The following SCN11A variants were observed in gnomAD, a reference collection of about 807,000 sequenced individuals.
SCN11A encodes sodium channel protein type 11 subunit alpha.
Under a neutral mutation model 162.2 loss-of-function variants are expected in SCN11A, and 122 were observed. The observed-to-expected ratio is 0.75, with a 90% CI of 0.65 to 0.87. The LOEUF is 0.87. Among genes scored for constraint, SCN11A ranks in the 40% least tolerant of loss-of-function variants. The pLI is 0.00. For synonymous variants in SCN11A, 758 were observed against 751.5 expected, an observed-to-expected ratio of 1.01 and a Z score of -0.14; for missense variants, 2,015 against 2,181.6, an observed-to-expected ratio of 0.92 and a Z score of 1.52.
At chr3:38,907,357 TACACACACACACACAC>T (rs376599495) in intron 14 of SCN11A, among the ~76,000 whole-genome samples, 2 of 128,530 alleles carry the variant, frequency 1.6e-5, no homozygotes, top group African/African-American at 3.2e-5. Context: ...TATCTATATA[TACACACACACACACAC>T]ACACACACAC....
At chr3:38,906,644 C>T (rs1387607071) in intron 14 of SCN11A, among the ~76,000 whole-genome samples, 11 of 152,130 alleles carry the variant, frequency 7.2e-5, no homozygotes, top group Admixed American at 7.2e-4. Flanking sequence ...CTGGTTTAAG[C>T]CACAGGCACC....
chr3:38,988,323 C>T (rs2030333299), intron 2 of SCN11A, among the ~76,000 whole-genome samples: 1 of 152,058 alleles, frequency 6.6e-6, no homozygotes, highest in Non-Finnish European at 1.5e-5. Flanking sequence ...TTATTTATCA[C>T]CTATCTCTCA....
intron 3 of SCN11A, among the ~76,000 whole-genome samples, chr3:38,953,963 C>T (rs964393742): frequency 6.6e-5 from 10 of 152,106 alleles, no homozygotes; most frequent in African/African-American, 2.4e-4. Context: ...AGGGCCAGAA[C>T]CAGACACTCT....
chr3:38,851,943 T>A (rs1406570863), intron 28 of SCN11A, among the ~76,000 whole-genome samples: 1 of 152,140 alleles, frequency 6.6e-6, no homozygotes, highest in African/African-American at 2.4e-5. Context: ...TTCCGGTTGA[T>A]AAAACCATCT....
intron 2 of SCN11A, among the ~76,000 whole-genome samples, chr3:39,002,625 T>C (rs7619193): frequency 0.48 from 73,010 of 152,170 alleles, 21,408 homozygotes; most frequent in African/African-American, 0.84. Context: ...TTCACCCTTC[T>C]CTGTATCCAT....
At chr3:38,934,636 A>C (rs1427101335) in intron 7 of SCN11A, among the ~76,000 whole-genome samples, 1 of 152,058 alleles carries the variant, frequency 6.6e-6, no homozygotes, top group Non-Finnish European at 1.5e-5. Context: ...AAAGAAGGCC[A>C]TTACATAATG....
At chr3:38,920,139 A>C (rs2066023129) in intron 10 of SCN11A, 138 bp from the exon 11 acceptor site, 1 of 656,914 alleles carries the variant, frequency 1.5e-6, no homozygotes, top group African/African-American at 1.8e-5. Flanking sequence ...GTCCAGAGAG[A>C]AACTGGAGCC....
chr3:38,918,411 T>C (rs1248687793), intron 11 of SCN11A, among the ~76,000 whole-genome samples: 2 of 152,198 alleles, frequency 1.3e-5, no homozygotes, highest in African/African-American at 4.8e-5. Context: ...TGGTAAGCAT[T>C]AGATTTTCAT....
At chr3:39,040,263 T>C (rs1559583052) in intron 1 of SCN11A, among the ~76,000 whole-genome samples, 1 of 152,276 alleles carries the variant, frequency 6.6e-6, no homozygotes, top group Non-Finnish European at 1.5e-5. Context: ...TAACTGTTAT[T>C]GCTTCTCAGC....
chr3:38,987,635 C>T lies in SCN11A; in HGVS notation c.-279-27212G>A, dbSNP rs77045208. ...AAGGGGTCTAACTTCATCCCTGAGG[C>T]GACCTCACACTCGTTCTGGACACTG... On this transcript the variant is annotated intron_variant, in intron 2 of 29. Coordinates refer to ENST00000302328, the MANE Select transcript of SCN11A (RefSeq NM_001349253.2). 6.4e-3 allele frequency among the ~76,000 whole-genome samples: 971 copies of T among 152,262 alleles called. 14 individuals carry two copies. The highest frequency in any genetic ancestry group is 0.023 in the African/African-American group (940 of 41,554).
chr3:38,870,664 C>T (rs1235895161), intron 26 of SCN11A, 27 bp downstream of exon 26: 4 of 1,601,588 alleles, frequency 2.5e-6, no homozygotes, highest in Admixed American at 1.7e-5. Flanking sequence ...CCATAACACT[C>T]CAGAACATGG....
intron 18 of SCN11A, among the ~76,000 whole-genome samples, 162 bp downstream of exon 18, chr3:38,896,680 TATC>T (rs952703043): frequency 1.3e-5 from 2 of 152,190 alleles, no homozygotes; most frequent in African/African-American, 4.8e-5. Flanking sequence ...TTTTCATGCT[TATC>T]ATACTTTTCT....
At chr3:38,852,647 A>G (rs907930204) in intron 28 of SCN11A, among the ~76,000 whole-genome samples, 5 of 152,198 alleles carry the variant, frequency 3.3e-5, no homozygotes. Context: ...ATTACTGGAA[A>G]TGAAATGCAT....
chr3:38,913,471 G>T (rs961262469), intron 11 of SCN11A, among the ~76,000 whole-genome samples: 5 of 151,522 alleles, frequency 3.3e-5, no homozygotes, highest in African/African-American at 1.2e-4. Flanking sequence ...GTTTGTTTTT[G>T]TTTTCTGTGC....
At chr3:38,976,643 G>A (rs2066851506) in intron 2 of SCN11A, among the ~76,000 whole-genome samples, 1 of 152,090 alleles carries the variant, frequency 6.6e-6, no homozygotes, top group African/African-American at 2.4e-5. Flanking sequence ...AAGTATTTTG[G>A]ATAAGGGATA....
intron 1 of SCN11A, among the ~76,000 whole-genome samples, chr3:39,044,146 T>G (rs2032129208): frequency 6.6e-6 from 1 of 151,872 alleles, no homozygotes. Context: ...AGTAAAAGGG[T>G]GTAACAATTT....
rs766907203 is a variant in SCN11A at position 38,900,051 on chromosome 3, G to C, written c.1865C>G (p.Ala622Gly). The change falls in exon 17 of 30, where the codon GCA becomes GGA. Residue 622 changes from alanine to glycine, a missense_variant. Transcript: ENST00000302328. Reference protein sequence around the residue: ...GNLVFTSIFIAEMCLKIIALD... With the variant: ...GNLVFTSIFIGEMCLKIIALD... The stretch of plus-strand genomic sequence containing the variant: ...CGCAATGATTTTTAGGCACATTTCT[G>C]CTATAAAAATGCTAGTGAAAACCTA... 2 of 1,613,894 alleles carry C rather than the reference G, an allele frequency of 1.2e-6. No individual in the cohort carries two copies. Among genetic ancestry groups the C allele is most frequent in the Non-Finnish European group, 1.7e-6 (2 of 1,179,898 alleles).
intron 2 of SCN11A, among the ~76,000 whole-genome samples, chr3:39,026,774 T>C (rs944887798): frequency 1.3e-5 from 2 of 152,102 alleles, no homozygotes; most frequent in Admixed American, 1.3e-4. Flanking sequence ...GATAAGAAGA[T>C]ACTGAGGGAG....
In SCN11A at chr3:38,864,150, C is replaced by T. The variant is rs941947096; in HGVS notation, c.3952-851G>A. Among the ~76,000 whole-genome samples the T allele has an allele frequency of 4.6e-5, 7 of 152,200 alleles. No homozygotes were observed. The East Asian group carries it at 5.8e-4, about 13-fold the overall frequency. ...CAACAGAAGGGTAAAGAAAAAAACC[C>T]GAATCTGTCTGTTGGTAATGGAAGA... On this transcript the variant is annotated intron_variant, in intron 27 of 29. Transcript: ENST00000302328.
Sources: gnomAD v4.1 joint callset for allele counts (sites outside exome capture counted in the v4.1 genomes callset) on GRCh38, gnomAD v4.1.1 for gene constraint, MANE v1.5 for transcripts, NCBI Gene and HGNC (gene_info 2026-07-23, HGNC 2026-07-21) for gene names.